ATP13A3: variants seen among roughly 807,000 people sequenced by gnomAD.
ATP13A3 encodes the protein polyamine-transporting ATPase 13A3.
ATP13A3 carries 59 observed loss-of-function variants against 158.1 expected under a neutral mutation model. The ratio of observed to expected loss-of-function variants is 0.37; its 90% CI spans 0.30 to 0.46. The LOEUF is 0.46. Among genes scored for constraint, ATP13A3 ranks in the 20% least tolerant of loss-of-function variants. The pLI, the probability that ATP13A3 is intolerant of heterozygous loss-of-function variation, is 1.00. For synonymous variants in ATP13A3, 491 were observed against 504.3 expected (o/e 0.97, Z 0.35); for missense variants, 1,166 against 1,525.2 (o/e 0.76, Z 3.92).
intron 14 of ATP13A3, among the ~76,000 whole-genome samples, chr3:194,445,816 G>A (rs1227549440): frequency 6.6e-6 from 1 of 152,088 alleles, no homozygotes; most frequent in South Asian, 2.1e-4. Flanking sequence ...TTAATTCTCA[G>A]AAAACTTTAA....
At position 194,431,223 on chromosome 3, in the gene ATP13A3, T is replaced by A. The variant is rs373556794; in HGVS notation, c.2425A>T (p.Ile809Phe). The change falls in exon 23 of 34, where the codon ATT becomes TTT. Residue 809 changes from isoleucine to phenylalanine, a missense_variant. Physicochemically the swap from Ile to Phe is conservative, Grantham distance 21. Around this residue, in one of 3 missense-constraint regions of ATP13A3, gnomAD observed 997 missense variants for 1,341.2 expected, o/e 0.74. Transcript: ENST00000645319. ...SHPSAIDPEAIPVKLVHDSLE... is the reference protein window; with the variant it reads ...SHPSAIDPEAFPVKLVHDSLE... The stretch of plus-strand genomic sequence containing the variant: ...CTATCATGGACCAATTTAACCGGAA[T>A]AGCCTGTGTATATGAGACATTGGGA... The A allele has an allele frequency of 6.2e-7, 1 of 1,609,814 alleles. No homozygotes were observed. Among genetic ancestry groups the A allele is most frequent in the Admixed American group, 1.7e-5 (1 of 59,860 alleles).
chr3:194,460,712 C>T lies in ATP13A3; in HGVS notation c.171G>A (p.Ala57=), dbSNP rs746398820. Residue 57 remains alanine (A), a synonymous_variant, in exon 4 of 34, where the codon GCG becomes GCA. Transcript: ENST00000645319. Reference sequence around the variant, plus strand: ...CTTTAATTGCAGCTCTGACACAGGTCGCTTTCACCCGCCACTCAGGCATCC... The same window carrying T: ...CTTTAATTGCAGCTCTGACACAGGTTGCTTTCACCCGCCACTCAGGCATCC... ...LYWMPEWRVK[A]TCVRAAIKDC... is the part of the protein sequence containing the mutation. 17 of 1,613,990 alleles carry T rather than the reference C, an allele frequency of 1.1e-5. No individual in the cohort carries two copies. The East Asian group carries it at 1.6e-4, about 15-fold the overall frequency.
chr3:194,480,159 A>C (rs1392925251), intron 2 of ATP13A3, among the ~76,000 whole-genome samples: 1 of 152,164 alleles, frequency 6.6e-6, no homozygotes, highest in African/African-American at 2.4e-5. Context: ...TTATCCTTAC[A>C]ATTCTCTAAG....
chr3:194,459,687 C>T (rs1438846570), intron 5 of ATP13A3, 102 bp downstream of exon 5: 2 of 1,295,180 alleles, frequency 1.5e-6, no homozygotes, highest in Admixed American at 2.3e-5. Context: ...GTAAATTTAT[C>T]TCAAGCATTA....
chr3:194,493,872 A>G (rs1286696297), intron 2 of ATP13A3, among the ~76,000 whole-genome samples: 1 of 152,160 alleles, frequency 6.6e-6, no homozygotes, highest in Non-Finnish European at 1.5e-5. Context: ...AACTTTACAT[A>G]TATGATCTCA....
At chr3:194,440,774 T>C (rs73071122) in intron 16 of ATP13A3, among the ~76,000 whole-genome samples, 3,438 of 152,192 alleles carry the variant, frequency 0.023, 119 homozygotes, top group African/African-American at 0.078. Context: ...TGAACTGACT[T>C]TGTATTTATA....
At chr3:194,453,262 G>C (rs1358037693) in intron 10 of ATP13A3, among the ~76,000 whole-genome samples, 2 of 135,432 alleles carry the variant, frequency 1.5e-5, no homozygotes, top group African/African-American at 2.8e-5. Context: ...CTGTGCAACA[G>C]TGAGACCACA....
chr3:194,483,739 C>T (rs951190280), intron 2 of ATP13A3, among the ~76,000 whole-genome samples: 1 of 152,208 alleles, frequency 6.6e-6, no homozygotes, highest in African/African-American at 2.4e-5. Flanking sequence ...ATTCAGAATA[C>T]ATTCAGAGGT....
At chr3:194,442,143 A>T (rs372526982) in intron 15 of ATP13A3, among the ~76,000 whole-genome samples, 3 of 152,216 alleles carry the variant, frequency 2.0e-5, no homozygotes, top group South Asian at 4.1e-4. Flanking sequence ...AGCCTGTATG[A>T]CACCGTTGAT....
At chr3:194,452,855 G>A (rs781570552) in intron 10 of ATP13A3, 14 of 152,136 alleles carry the variant, frequency 9.2e-5, no homozygotes, top group Non-Finnish European at 1.9e-4. Context: ...CCTTATCATA[G>A]CATTTGTCAC....
chr3:194,410,408 A>T (rs2108717933), intron 33 of ATP13A3, among the ~76,000 whole-genome samples: 1 of 151,474 alleles, frequency 6.6e-6, no homozygotes, highest in African/African-American at 2.4e-5. Flanking sequence ...CTACAAAACA[A>T]ACAAACAAAA....
intron 31 of ATP13A3, among the ~76,000 whole-genome samples, chr3:194,415,836 G>C (rs1306152222): frequency 6.6e-6 from 1 of 151,722 alleles, no homozygotes; most frequent in African/African-American, 2.4e-5. Context: ...TAAATATCCA[G>C]CAAAACAGGA....
chr3:194,447,799 G>A (rs1718505501), intron 13 of ATP13A3, 53 bp downstream of exon 13: 2 of 1,450,430 alleles, frequency 1.4e-6, no homozygotes, highest in Admixed American at 3.9e-5. Flanking sequence ...CTCAATAGCT[G>A]CATATGATAA....
Position 194,431,751 on chromosome 3 carries a change from G to A in ATP13A3, c.2387C>T (p.Thr796Met), listed in dbSNP as rs764501190. The A allele has an allele frequency of 1.6e-5, 25 of 1,610,218 alleles. No homozygotes were observed. Among genetic ancestry groups the A allele is most frequent in the Middle Eastern group, 3.3e-4 (2 of 6,066 alleles). The change falls in exon 22 of 34, where the codon ACG becomes ATG. Residue 796 changes from threonine (T) to methionine (M), a missense_variant. By Grantham distance (81) the Thr-to-Met change is moderately conservative. Coordinates refer to ENST00000645319, the MANE Select transcript of ATP13A3 (RefSeq NM_001367549.1). ...AATTGCTGATGGATGACTGCACTGC[G>A]TGAGGGAGTCTGCATAATGCCAATT... The part of the protein sequence containing the change: ...KINWHYADSL[T>M]QCSHPSAIDP...
rs187614204 is a variant in ATP13A3, at chr3:194,426,996, A to G, written c.3125+79T>C. On this transcript the variant is annotated intron_variant, in intron 29 of 33. Coordinates refer to ENST00000645319, the MANE Select transcript of ATP13A3 (RefSeq NM_001367549.1). ...CACCGCACCTGGCACAAACTTTTAT[A>G]TTAACTTCTAAACTCATTTTTATAT... 188 of 1,486,074 alleles carry G rather than the reference A, an allele frequency of 1.3e-4. 1 individual carries two copies. In the East Asian group the frequency reaches 3.5e-3, roughly 27 times the overall value. The allele number at this position is 1,486,074 out of a possible 1,614,324, so 92.1% of individuals were successfully genotyped here.
upstream of ATP13A3, chr3:194,487,592 C>A (rs2109091619): frequency 6.6e-6 from 1 of 152,402 alleles, no homozygotes; most frequent in East Asian, 1.9e-4. Flanking sequence ...GCCTCGCCTC[C>A]GACGGGAAGG....
chr3:194,453,875 C>A, intron 9 of ATP13A3, 97 bp from the exon 10 acceptor site: 1 of 806,920 alleles, frequency 1.2e-6, no homozygotes. Context: ...TCAATAAATG[C>A]ATATCACTCC....
At position 194,441,436 on chromosome 3, in the gene ATP13A3, A is replaced by C. The variant is rs745954332; in HGVS notation, c.1585T>G (p.Cys529Gly). 3.1e-5 allele frequency: 50 copies of C among 1,613,470 alleles called. No individual in the cohort carries two copies. Among genetic ancestry groups the C allele is most frequent in the Non-Finnish European group, 4.0e-5 (47 of 1,179,586 alleles). The change falls in exon 16 of 34, where the codon TGC becomes GGC. Residue 529 changes from cysteine to glycine, a missense_variant. Physicochemically the swap from Cys to Gly is radical, Grantham distance 159. Coordinates refer to ENST00000645319, the MANE Select transcript of ATP13A3 (RefSeq NM_001367549.1). Reference protein sequence around the residue: ...ARFLSPEENVCNEMLVKSQFV... With the variant: ...ARFLSPEENVGNEMLVKSQFV... The stretch of plus-strand genomic sequence containing the variant: ...TGGGATTTTACCAACATCTCATTGC[A>C]CACATTTTCTTCTGGTGAAAGAAAT...
At position 194,427,012 on chromosome 3, in the gene ATP13A3, AT is replaced by A. The variant is rs1172392314; in HGVS notation, c.3125+62del. ...AACTTTTATATTAACTTCTAAACTC[AT>A]TTTTATATCATATATGTTGCACATA... On this transcript the variant is annotated intron_variant, in intron 29 of 33. Transcript: ENST00000645319. 8 of 1,528,394 alleles carry A rather than the reference AT, an allele frequency of 5.2e-6. No individual in the cohort carries two copies. The East Asian group carries it at 1.7e-4, about 32-fold the overall frequency. The allele number at this position is 1,528,394 out of a possible 1,614,324, so 94.7% of individuals were successfully genotyped here.
Sources: gnomAD v4.1 joint callset for allele counts (sites outside exome capture counted in the v4.1 genomes callset) on GRCh38, gnomAD v4.1.1 for gene constraint, gnomAD v4.1.1 regional missense constraint, MANE v1.5 for transcripts, NCBI Gene and HGNC (gene_info 2026-07-23, HGNC 2026-07-21) for gene names.